Variants in HECW1 observed in about 807,000 individuals in gnomAD.
HECW1 encodes HECT, C2 and WW domain containing E3 ubiquitin protein ligase 1.
A neutral mutation model predicts 182.3 loss-of-function variants in HECW1; 61 were observed. The observed-to-expected ratio is 0.33, with a 90% CI of 0.27 to 0.41. The LOEUF (loss-of-function observed/expected upper bound fraction) is 0.41, where lower values mean the gene tolerates loss of function less well. Ranked by LOEUF, HECW1 falls within the 10% of genes least tolerant of loss-of-function variation. The probability of loss-of-function intolerance (pLI) is 1.00; values close to 1 mark genes in which losing one functional copy is unlikely to be tolerated. For missense variants in HECW1, 1,739 were observed against 2,108.9 expected (o/e 0.82, Z 3.44); for synonymous variants, 859 against 832.6 (o/e 1.03, Z -0.55).
chr7:43,536,568 C>T (rs1489615635), intron 24 of HECW1, among the ~76,000 whole-genome samples: 1 of 152,174 alleles, frequency 6.6e-6, no homozygotes, highest in Non-Finnish European at 1.5e-5. Flanking sequence ...TGAAGGGCAC[C>T]CATCGTTGGA....
chr7:43,156,847 G>C lies in HECW1; in HGVS notation c.-32+42456G>C, dbSNP rs952370263. ...CCACATTATCTTCCCACACCAAAGT[G>C]ATCAGGAAAGCATGGGTCAAGCTGA... On this transcript the variant is annotated intron_variant, in intron 2 of 29. Coordinates refer to ENST00000395891, the MANE Select transcript of HECW1 (RefSeq NM_015052.5). Among the ~76,000 whole-genome samples, 6 of 152,148 alleles carry C rather than the reference G, an allele frequency of 3.9e-5. 1 individual carries two copies. Among genetic ancestry groups the C allele is most frequent in the Admixed American group, 3.3e-4 (5 of 15,282 alleles).
At chr7:43,283,913 C>T (rs1193073996) in intron 3 of HECW1, among the ~76,000 whole-genome samples, 1 of 152,184 alleles carries the variant, frequency 6.6e-6, no homozygotes, top group East Asian at 1.9e-4. Context: ...CTGAAATCTT[C>T]CCCCAGCTGC....
chr7:43,225,262 G>T (rs2152705419), intron 2 of HECW1, among the ~76,000 whole-genome samples: 1 of 152,288 alleles, frequency 6.6e-6, no homozygotes, highest in East Asian at 1.9e-4. Context: ...GCTGGCGATA[G>T]CAAGTACTGG....
At chr7:43,561,732 A>T (rs2082214108) in intron 29 of HECW1, 83 bp from the exon 30 acceptor site, 1 of 938,004 alleles carries the variant, frequency 1.1e-6, no homozygotes. Flanking sequence ...TCCTTTTTGA[A>T]TCACAACTTC....
At chr7:43,355,480 G>A (rs890168505) in intron 5 of HECW1, among the ~76,000 whole-genome samples, 14 of 151,838 alleles carry the variant, frequency 9.2e-5, no homozygotes, top group African/African-American at 3.1e-4. Flanking sequence ...TTTTAAATTT[G>A]TTCTTTGTTT....
intron 4 of HECW1, among the ~76,000 whole-genome samples, chr7:43,313,807 G>A (rs6463181): frequency 0.53 from 80,793 of 151,982 alleles, 24,655 homozygotes; most frequent in African/African-American, 0.86. Context: ...GGAGTTAAGC[G>A]TCTGCACCCT....
At chr7:43,248,518 A>G (rs1799663108) in intron 3 of HECW1, 2 of 152,214 alleles carry the variant, frequency 1.3e-5, no homozygotes, top group African/African-American at 2.4e-5. Context: ...TTTGGTTATA[A>G]TGTTGTGCAG....
At chr7:43,306,755 C>A (rs1420892879) in intron 3 of HECW1, among the ~76,000 whole-genome samples, 1 of 151,974 alleles carries the variant, frequency 6.6e-6, no homozygotes, top group Admixed American at 6.6e-5. Context: ...TAAAAACTGA[C>A]AGAGCAGAAT....
At chr7:43,210,991 C>T (rs947064246) in intron 2 of HECW1, among the ~76,000 whole-genome samples, 5 of 152,182 alleles carry the variant, frequency 3.3e-5, no homozygotes, top group South Asian at 2.1e-4. Flanking sequence ...TAGCCGATGC[C>T]GGCTGGAATG....
rs58487130 is a variant in HECW1, at chr7:43,243,598, G to GA, written c.-31-266dup. Among the ~76,000 whole-genome samples the GA allele has an allele frequency of 2.0e-4, 29 of 146,320 alleles. No individual in the cohort carries two copies. Among genetic ancestry groups the GA allele is most frequent in the South Asian group, 4.4e-4 (2 of 4,548 alleles). ...CACCAGATCCTTGTTTCTTGAAAAA[G>GA]AAAAAAAAAAATTCTAGGCTCATGA... On this transcript the variant is annotated intron_variant, in intron 2 of 29. Coordinates refer to ENST00000395891, the MANE Select transcript of HECW1 (RefSeq NM_015052.5). The surrounding 1 kb of genome is among the most constrained non-coding windows in gnomAD (Gnocchi z 4.0).
intron 2 of HECW1, among the ~76,000 whole-genome samples, chr7:43,135,379 C>T (rs1200921474): frequency 1.3e-5 from 2 of 152,078 alleles, no homozygotes; most frequent in Non-Finnish European, 2.9e-5. Context: ...GCTAGAGTGC[C>T]AGCAGCCACC....
At chr7:43,252,212 T>TC (rs1800112942) in intron 3 of HECW1, among the ~76,000 whole-genome samples, 2 of 152,200 alleles carry the variant, frequency 1.3e-5, no homozygotes, top group South Asian at 4.1e-4. Context: ...GGCAATGCCT[T>TC]CCCCTGCTAC....
intron 19 of HECW1, among the ~76,000 whole-genome samples, chr7:43,497,392 C>A (rs1006318505): frequency 1.3e-5 from 2 of 152,078 alleles, no homozygotes; most frequent in Non-Finnish European, 2.9e-5. Context: ...ATTTGAATTG[C>A]GATTCTATTT....
At chr7:43,262,952 C>A (rs535434853) in intron 3 of HECW1, among the ~76,000 whole-genome samples, 1 of 152,264 alleles carries the variant, frequency 6.6e-6, no homozygotes, top group Non-Finnish European at 1.5e-5. Flanking sequence ...ACAGTCACAT[C>A]ACATGTCTGT....
At chr7:43,229,818 A>G (rs1287496120) in intron 2 of HECW1, among the ~76,000 whole-genome samples, 2 of 152,234 alleles carry the variant, frequency 1.3e-5, no homozygotes, top group African/African-American at 4.8e-5. Context: ...TTTACAGTGG[A>G]GAAATCTGAC....
chr7:43,266,063 G>A (rs189615229), intron 3 of HECW1, among the ~76,000 whole-genome samples: 8 of 152,260 alleles, frequency 5.3e-5, no homozygotes, highest in African/African-American at 1.4e-4. Context: ...TATGGAGGCT[G>A]CATTATGTAG....
At chr7:43,536,409 G>A (rs574704008) in intron 24 of HECW1, among the ~76,000 whole-genome samples, 2 of 152,258 alleles carry the variant, frequency 1.3e-5, no homozygotes, top group South Asian at 4.1e-4. Flanking sequence ...ACCCATCTGG[G>A]TGTGGCTAGA....
At chr7:43,550,639 T>C in intron 27 of HECW1, 48 bp downstream of exon 27, 1 of 1,539,550 alleles carries the variant, frequency 6.5e-7, no homozygotes, top group Non-Finnish European at 8.8e-7. Context: ...AGGGTGCTGC[T>C]TCACGGGGCC....
At chr7:43,230,016 A>G (rs2152708413) in intron 2 of HECW1, among the ~76,000 whole-genome samples, 1 of 152,374 alleles carries the variant, frequency 6.6e-6, no homozygotes. Flanking sequence ...TGCTGAAGTC[A>G]GAGCCTGACT....
Sources: allele counts gnomAD v4.1 joint callset (sites outside exome capture counted in the v4.1 genomes callset), GRCh38; gene constraint gnomAD v4.1.1; non-coding constraint Gnocchi (gnomAD v3.1); transcripts MANE v1.5; gene names NCBI Gene and HGNC (gene_info 2026-07-23, HGNC 2026-07-21).